The following PSG5 variants were observed in gnomAD, a reference collection of about 807,000 sequenced individuals.
The protein encoded by PSG5 is pregnancy specific beta-1-glycoprotein 5.
PSG5 carries 53 observed loss-of-function variants against 37.7 expected under a neutral mutation model. The ratio of observed to expected loss-of-function variants is 1.41; its 90% CI spans 1.13 to 1.77. PSG5 has a LOEUF of 1.77. PSG5 is among the 40% of genes most tolerant of loss of function. PSG5 has a pLI of 0.00. For missense variants in PSG5, 547 were observed against 405.2 expected (o/e 1.35, Z -3.00); for synonymous variants, 221 against 155.4 (o/e 1.42, Z -3.14).
intron 2 of PSG5, among the ~76,000 whole-genome samples, chr19:43,183,025 C>A (rs1262525287): frequency 6.6e-6 from 1 of 150,700 alleles, no homozygotes; most frequent in Non-Finnish European, 1.5e-5. Flanking sequence ...TGGGGAAGGC[C>A]TAGGGGTGGG....
At chr19:43,170,324 T>G (rs1968878906) in intron 4 of PSG5, 186 bp from the exon 5 acceptor site, 2 of 697,844 alleles carry the variant, frequency 2.9e-6, no homozygotes, top group Non-Finnish European at 2.1e-6. Context: ...TCACCATGTT[T>G]CTAGGATGGT....
intron 2 of PSG5, among the ~76,000 whole-genome samples, chr19:43,176,367 T>A (rs1417884817): frequency 6.6e-6 from 1 of 151,542 alleles, no homozygotes; most frequent in Non-Finnish European, 1.5e-5. Flanking sequence ...CTTTCTCAAG[T>A]GTCAATTGAG....
At chr19:43,183,569 G>T (rs973500199) in intron 2 of PSG5, 1 of 472,700 alleles carries the variant, frequency 2.1e-6, no homozygotes, top group Middle Eastern at 7.7e-4. Context: ...AGTGATGGGG[G>T]TTAAGATCTG....
At chr19:43,186,262 G>T in intron 1 of PSG5, 80 bp downstream of exon 1, 2 of 1,596,982 alleles carry the variant, frequency 1.3e-6, no homozygotes, top group Non-Finnish European at 8.5e-7. Flanking sequence ...TTATTTTTTA[G>T]AACCCCATCC....
chr19:43,174,481 C>T (rs1397695511), intron 4 of PSG5: 11 of 762,128 alleles, frequency 1.4e-5, no homozygotes, highest in Non-Finnish European at 1.8e-5. Flanking sequence ...TCACTATCCT[C>T]CGTGCTGTGT....
In PSG5 at chr19:43,178,879, G is replaced by C. The variant is rs369466057; in HGVS notation, c.431-2731C>G. ...TCACAGAGGAACAGAGGATACTCAC[G>C]GAGGAGATTCAGGGTGACTGGGTCA... On this transcript the variant is annotated intron_variant, in intron 2 of 5. Transcript: ENST00000342951. 51 of 1,612,774 alleles carry C rather than the reference G, an allele frequency of 3.2e-5. 1 individual carries two copies. The Admixed American group carries it at 8.5e-4, about 27-fold the overall frequency.
intron 4 of PSG5, among the ~76,000 whole-genome samples, chr19:43,171,983 C>CAAAAA (rs60198220): frequency 1.2e-4 from 13 of 105,134 alleles, no homozygotes; most frequent in African/African-American, 4.7e-4. Flanking sequence ...TCCCTCTCTT[C>CAAAAA]AAAAAAAAAA....
In PSG5 at chr19:43,185,142, G is replaced by A. The variant is rs1226116835; in HGVS notation, c.70C>T (p.Leu24Phe). ...ATAGGCAGGTTCCAGAAGTTTAAAA[G>A]TGATGCTAGGAGGTGGAGAAAGCAC... ...TWKGLLLTAS[L>F]LNFWNLPITA... The change falls in exon 2 of 6, where the codon CTT becomes TTT. Residue 24 changes from leucine to phenylalanine, a missense_variant. Coordinates refer to ENST00000342951, the MANE Select transcript of PSG5 (RefSeq NM_002781.4). 5.0e-6 allele frequency: 8 copies of A among 1,601,076 alleles called. No individual in the cohort carries two copies. The highest frequency in any genetic ancestry group is 6.8e-6 in the Non-Finnish European group (8 of 1,173,064).
At position 43,170,579 on chromosome 19, in the gene PSG5, C is replaced by T. The variant is rs1968885312; in HGVS notation, c.965-441G>A. On this transcript the variant is annotated intron_variant, in intron 4 of 5. Transcript: ENST00000342951. Reference sequence around the variant, plus strand: ...CATTTCACATTCATCACCTCCTTTGCACAGAAAGCTTCTTTCCCACAGGCT... The same window carrying T: ...CATTTCACATTCATCACCTCCTTTGTACAGAAAGCTTCTTTCCCACAGGCT... The T allele has an allele frequency of 2.7e-5, 9 of 335,890 alleles. No individual in the cohort carries two copies. In the South Asian group the frequency reaches 2.8e-4, roughly 10 times the overall value. The allele number at this position is 335,890 out of a possible 1,614,324, so 20.8% of individuals were successfully genotyped here.
intron 4 of PSG5, chr19:43,171,590 C>A: frequency 2.1e-6 from 1 of 481,684 alleles, no homozygotes; most frequent in Non-Finnish European, 3.3e-6. Context: ...AAAGTTGATT[C>A]TTCAAAATAA....
chr19:43,179,167 A>C, intron 2 of PSG5: 1 of 1,582,548 alleles, frequency 6.3e-7, no homozygotes, highest in Non-Finnish European at 8.7e-7. Flanking sequence ...ACTTTGCAGA[A>C]AACAGAGAGA....
Position 43,175,474 on chromosome 19 carries a change from A to C in PSG5, c.710-5T>G, listed in dbSNP as rs1170123685. The C allele has an allele frequency of 1.2e-6, 2 of 1,601,470 alleles. No individual in the cohort carries two copies. The highest frequency in any genetic ancestry group is 1.7e-5 in the Admixed American group (1 of 59,030). ...TGCTGGGGAGGTCTGGACCATCTGG[A>C]GCAAAGAGAATGAAGCCACAGGTGA... On this transcript the variant is annotated splice_polypyrimidine_tract_variant and splice_region_variant and intron_variant, in intron 3 of 5. Transcript: ENST00000342951.
chr19:43,183,516 G>A (rs758007108), intron 2 of PSG5: 10 of 524,118 alleles, frequency 1.9e-5, no homozygotes, highest in South Asian at 1.4e-4. Flanking sequence ...ATCCTTTCAT[G>A]ACAGTGACAT....
intron 2 of PSG5, chr19:43,178,924 G>A (rs752385875): frequency 2.5e-6 from 4 of 1,612,848 alleles, no homozygotes; most frequent in African/African-American, 1.3e-5. Flanking sequence ...GCACTCACTG[G>A]GTTCCGTATT....
intron 4 of PSG5, among the ~76,000 whole-genome samples, chr19:43,172,276 C>A (rs1454540616): frequency 3.3e-5 from 5 of 151,558 alleles, no homozygotes; most frequent in Admixed American, 1.3e-4. Context: ...AAACCCAATG[C>A]TAGCATCATA....
Position 43,175,283 on chromosome 19 carries a change from T to A in PSG5, c.896A>T (p.Tyr299Phe). 1 of 1,612,806 alleles carries A rather than the reference T, an allele frequency of 6.2e-7. No individual in the cohort carries two copies. Among genetic ancestry groups the A allele is most frequent in the Non-Finnish European group, 8.5e-7 (1 of 1,179,228 alleles). ...AGCTGAGTTACGAACAGAGCAAGTATAGAGCCCTCTATGCTTTGTAGTAAT... is the reference window on the plus strand; with the variant it reads ...AGCTGAGTTACGAACAGAGCAAGTAAAGAGCCCTCTATGCTTTGTAGTAAT... ...PQITTKHRGL[Y>F]TCSVRNSATG... Residue 299 changes from tyrosine to phenylalanine, a missense_variant, in exon 4 of 6, where the codon TAT (tyrosine) becomes TTT (phenylalanine). Tyr to Phe is a conservative substitution (Grantham distance 22, BLOSUM62 3). Coordinates refer to ENST00000342951, the MANE Select transcript of PSG5 (RefSeq NM_002781.4).
At position 43,167,835 on chromosome 19, in the gene PSG5, A is replaced by G. The variant is rs1357602872; in HGVS notation, c.*409T>C. 3.5e-6 allele frequency: 1 copy of G among 287,336 alleles called. No homozygotes were observed. The highest frequency in any genetic ancestry group is 6.5e-6 in the Non-Finnish European group (1 of 153,110). The allele number at this position is 287,336 out of a possible 1,614,324, so 17.8% of individuals were successfully genotyped here. The stretch of plus-strand genomic sequence containing the variant: ...GGCACTCAGATAGAGAGCAAAAGCA[A>G]ATGTTTCAATTTTTGTTTACAAAAG... On this transcript the variant is annotated 3_prime_UTR_variant, in exon 6 of 6. Coordinates refer to ENST00000342951, the MANE Select transcript of PSG5 (RefSeq NM_002781.4).
chr19:43,170,223 G>T, intron 4 of PSG5, 85 bp from the exon 5 acceptor site: 4 of 1,182,638 alleles, frequency 3.4e-6, no homozygotes, highest in Non-Finnish European at 4.9e-6. Flanking sequence ...GTAGCATGAG[G>T]TACTCTATAA....
intron 4 of PSG5, chr19:43,171,455 T>C (rs1178347984): frequency 2.7e-5 from 5 of 188,034 alleles, no homozygotes; most frequent in East Asian, 2.5e-4. Flanking sequence ...CCTACTTTAA[T>C]ACTTCAGGAT....
Sources: gnomAD v4.1 joint callset for allele counts (sites outside exome capture counted in the v4.1 genomes callset) on GRCh38, gnomAD v4.1.1 for gene constraint, MANE v1.5 for transcripts, NCBI Gene and HGNC (gene_info 2026-07-23, HGNC 2026-07-21) for gene names.